GPM6B: variants seen among roughly 807,000 people sequenced by gnomAD.
GPM6B encodes the protein glycoprotein M6B.
In GPM6B, 4 loss-of-function variants were observed where a neutral mutation model predicts 27.2. The ratio of observed to expected loss-of-function variants is 0.15; its 90% CI spans 0.07 to 0.34. The LOEUF is 0.34. Ranked by LOEUF, GPM6B falls within the 10% of genes least tolerant of loss-of-function variation. The pLI, the probability that GPM6B is intolerant of heterozygous loss-of-function variation, is 1.00. For synonymous variants in GPM6B, 124 were observed against 103.1 expected (o/e 1.20, Z -1.23); for missense variants, 183 against 261.9 (o/e 0.70, Z 2.08).
At chrX:13,798,323 C>G (rs778652751) in intron 2 of GPM6B, among the ~76,000 whole-genome samples, 2 of 108,631 alleles carry the variant, frequency 1.8e-5, no homozygotes, top group Admixed American at 2.0e-4. Flanking sequence ...AGGGTAAGGA[C>G]AGCAAGGGTC....
chrX:13,808,506 C>T (rs1028764113), intron 1 of GPM6B, among the ~76,000 whole-genome samples: 4 of 111,586 alleles, frequency 3.6e-5, no homozygotes, highest in Non-Finnish European at 1.9e-5. Context: ...AAGAAAAATA[C>T]CTACCAATTT....
intron 1 of GPM6B, among the ~76,000 whole-genome samples, chrX:13,876,487 C>G (rs964798335): frequency 8.9e-6 from 1 of 112,024 alleles, no homozygotes; most frequent in Non-Finnish European, 1.9e-5. Flanking sequence ...TCCTGGCATG[C>G]CCAGGAGTGG....
At chrX:13,774,321 A>G in intron 7 of GPM6B, 1 of 974,770 alleles carries the variant, frequency 1.0e-6, no homozygotes, top group Non-Finnish European at 1.3e-6. Flanking sequence ...CTGTCAGTAA[A>G]TAACTGAATC....
Position 13,789,668 on chromosome X carries a change from G to A in GPM6B, c.182-3860C>T, listed in dbSNP as rs541638802. Among the ~76,000 whole-genome samples the A allele has an allele frequency of 2.4e-4, 27 of 110,524 alleles. No individual in the cohort carries two copies. The South Asian group carries it at 7.8e-3, about 32-fold the overall frequency. On this transcript the variant is annotated intron_variant, in intron 2 of 7. Coordinates refer to ENST00000316715, the MANE Select transcript of GPM6B (RefSeq NM_001001995.3). ...TGGGCGCCTGTAGTCCCAGCTACTC[G>A]GGAGGCTGAGGCAGGAGAATGGCGT...
At chrX:13,917,153 A>C in intron 1 of GPM6B, among the ~76,000 whole-genome samples, 1 of 111,836 alleles carries the variant, frequency 8.9e-6, no homozygotes, top group East Asian at 2.8e-4. Flanking sequence ...CCGAGGTTGC[A>C]ATGAGCCATA....
intron 4 of GPM6B, among the ~76,000 whole-genome samples, chrX:13,782,773 AG>A (rs2048541540): frequency 1.3e-4 from 8 of 60,695 alleles, no homozygotes; most frequent in African/African-American, 4.7e-4. Context: ...AAAAAAAAAA[AG>A]AAAAAAAAAA....
At chrX:13,789,075 C>G (rs1340216131) in intron 2 of GPM6B, among the ~76,000 whole-genome samples, 1 of 111,868 alleles carries the variant, frequency 8.9e-6, no homozygotes, top group Non-Finnish European at 1.9e-5. Context: ...CGGACTGTGC[C>G]AGCCAACATG....
intron 1 of GPM6B, among the ~76,000 whole-genome samples, chrX:13,895,368 A>G (rs1354992501): frequency 9.1e-6 from 1 of 110,319 alleles, no homozygotes; most frequent in Non-Finnish European, 1.9e-5. Flanking sequence ...CCTAGAGGAG[A>G]ATAATTCCTT....
intron 2 of GPM6B, among the ~76,000 whole-genome samples, chrX:13,794,818 G>A (rs2048780283): frequency 8.9e-6 from 1 of 112,113 alleles, no homozygotes; most frequent in Non-Finnish European, 1.9e-5. Flanking sequence ...AGGATGCAGA[G>A]AGCCCTTCTA....
chrX:13,932,238 G>A (rs1267151752), intron 1 of GPM6B, among the ~76,000 whole-genome samples: 1 of 111,189 alleles, frequency 9.0e-6, no homozygotes, highest in Non-Finnish European at 1.9e-5. Flanking sequence ...CACGGCTCCT[G>A]CTTTTACACA....
intron 1 of GPM6B, among the ~76,000 whole-genome samples, chrX:13,862,482 C>T (rs2049863975): frequency 2.7e-5 from 3 of 111,715 alleles, no homozygotes; most frequent in African/African-American, 9.8e-5. Flanking sequence ...CAACCCATGG[C>T]TTCCGCTTTA....
intron 2 of GPM6B, among the ~76,000 whole-genome samples, chrX:13,801,961 C>T (rs776189346): frequency 1.8e-5 from 2 of 110,826 alleles, no homozygotes; most frequent in African/African-American, 3.3e-5. Context: ...TAGACGTGGA[C>T]GCACTCAGGG....
At chrX:13,773,310 CTTTTT>C (rs11305581) in intron 7 of GPM6B, 88 of 134,027 alleles carry the variant, frequency 6.6e-4, no homozygotes, top group African/African-American at 3.0e-3. Flanking sequence ...CGAGAGGGTG[CTTTTT>C]TTTTTTTTTT....
intron 1 of GPM6B, among the ~76,000 whole-genome samples, chrX:13,886,784 G>GTACCAGTC (rs944064392): frequency 2.0e-5 from 2 of 99,075 alleles, no homozygotes; most frequent in African/African-American, 7.8e-5. Context: ...ATGATGTTGG[G>GTACCAGTC]TACCAGTCTA....
Position 13,777,290 on chromosome X carries a change from T to C in GPM6B, c.771+62A>G, listed in dbSNP as rs367836132. The C allele has an allele frequency of 3.9e-4, 317 of 805,932 alleles. No individual in the cohort carries two copies. In the African/African-American group the frequency reaches 5.3e-3, roughly 14 times the overall value. 66.4% of individuals were successfully genotyped at this position (805,932 alleles called of 1,213,427 possible). A position where few individuals can be genotyped will look rare whatever the true frequency, so the allele number is the denominator to read the frequency against. On this transcript the variant is annotated intron_variant, in intron 6 of 7. Coordinates refer to ENST00000316715, the MANE Select transcript of GPM6B (RefSeq NM_001001995.3). ...CCATCTCTCTCGCTCTTTCTACAGC[T>C]GGGAGAACCCTTTTTTCTCAGCCTA... is the stretch of plus-strand genomic sequence containing the variant.
intron 1 of GPM6B, among the ~76,000 whole-genome samples, chrX:13,935,357 A>AAAAC (rs1921783186): frequency 9.7e-6 from 1 of 102,775 alleles, no homozygotes; most frequent in African/African-American, 3.7e-5. Flanking sequence ...AAAAAAAAAA[A>AAAAC]CTGTAAAGCT....
At position 13,783,538 on chromosome X, in the gene GPM6B, A is replaced by G. The variant is rs1238051458; in HGVS notation, c.369-17T>C. 8.5e-7 allele frequency: 1 copy of G among 1,175,193 alleles called. No individual in the cohort carries two copies. Among genetic ancestry groups the G allele is most frequent in the Non-Finnish European group, 1.1e-6 (1 of 872,618 alleles). On this transcript the variant is annotated splice_polypyrimidine_tract_variant and intron_variant, in intron 3 of 7. Coordinates refer to ENST00000316715, the MANE Select transcript of GPM6B (RefSeq NM_001001995.3). ...AGTTGTATCCTACAAAGAGAAGAAG[A>G]GATCCTGAACCATTAAATTCACTGC...
In GPM6B at chrX:13,865,811, A is replaced by G. The variant is rs146071383; in HGVS notation, c.-198+72516T>C. On this transcript the variant is annotated intron_variant, in intron 1 of 6. Coordinates refer to the GPM6B transcript ENST00000398361. ...AGAAAAAAACCCCATTCTCTTCTGC[A>G]CTTTGCTTCTGACTGCTTGGATAAA... is the stretch of plus-strand genomic sequence containing the variant. Among the ~76,000 whole-genome samples the G allele has an allele frequency of 3.0e-4, 33 of 109,342 alleles. No individual in the cohort carries two copies. In the East Asian group the frequency reaches 8.8e-3, roughly 29 times the overall value. The allele number at this position is 109,342 out of a possible 115,157, so 95.0% of individuals were successfully genotyped here.
intron 1 of GPM6B, among the ~76,000 whole-genome samples, chrX:13,887,471 G>T (rs1569286819): frequency 8.9e-6 from 1 of 111,781 alleles, no homozygotes; most frequent in East Asian, 2.8e-4. Context: ...TTTTACCACA[G>T]ACCAGTCACA....
Sources: gnomAD v4.1 joint callset for allele counts (sites outside exome capture counted in the v4.1 genomes callset) on GRCh38, gnomAD v4.1.1 for gene constraint, MANE v1.5 for transcripts, NCBI Gene and HGNC (gene_info 2026-07-23, HGNC 2026-07-21) for gene names.